RASAL1: variants seen among roughly 807,000 people sequenced by gnomAD.
RASAL1 encodes RAS protein activator like 1.
A neutral mutation model predicts 96.6 loss-of-function variants in RASAL1; 72 were observed. The ratio of observed to expected loss-of-function variants is 0.75; its 90% CI spans 0.62 to 0.91. RASAL1 has a LOEUF of 0.91. Among genes scored for constraint, RASAL1 ranks in the 40% least tolerant of loss-of-function variants. The pLI is 0.00. For synonymous variants in RASAL1, 405 were observed against 430.4 expected (o/e 0.94, Z 0.73); for missense variants, 1,016 against 1,072.5 (o/e 0.95, Z 0.74).
chr12:113,110,594 G>C (rs1950831278), intron 13 of RASAL1, among the ~76,000 whole-genome samples: 1 of 152,202 alleles, frequency 6.6e-6, no homozygotes, highest in Non-Finnish European at 1.5e-5. Flanking sequence ...TGTGTGTTTG[G>C]TTTTCAGGTG....
rs2136288679 is a variant in RASAL1 at position 113,135,277 on chromosome 12, C to A, written c.65+121G>T. On this transcript the variant is annotated intron_variant, in intron 1 of 20. Transcript: ENST00000548055. The surrounding 1 kb of genome is among the most constrained non-coding windows in gnomAD (Gnocchi z 5.7). The stretch of plus-strand genomic sequence containing the variant: ...CTTTAAAGCGGAACTGCCCCAAGAC[C>A]AGTCTTGGACAAGAACCCCTCGCCC... 2.2e-6 allele frequency: 2 copies of A among 890,094 alleles called. No homozygotes were observed. 55.1% of individuals were successfully genotyped at this position (890,094 alleles called of 1,614,324 possible).
rs766178277 is a variant in RASAL1, at chr12:113,119,271, G to A, written c.511-12C>T. ...GTCTTCTTGATGGTCTGAGGGCGAA[G>A]GAAGTGGTCTGTGAGTGGGAGAGCT... On this transcript the variant is annotated splice_polypyrimidine_tract_variant and intron_variant, in intron 6 of 20. Transcript: ENST00000548055. The A allele has an allele frequency of 1.9e-6, 3 of 1,611,942 alleles. No individual in the cohort carries two copies. The highest frequency in any genetic ancestry group is 2.5e-6 in the Non-Finnish European group (3 of 1,178,154).
Position 113,107,208 on chromosome 12 carries a change from G to C in RASAL1, c.1546C>G (p.Leu516Val), listed in dbSNP as rs1219272808. Reference protein sequence around the residue: ...VQSIGNLGQQLGQGKELWMAP... With the variant: ...VQSIGNLGQQVGQGKELWMAP... ...ATCCACAGTTCCTTGCCTTGGCCCA[G>C]CTGCTGGCCCAGGTTTCCAATGCTC... is the stretch of plus-strand genomic sequence containing the variant. Residue 516 changes from leucine (L) to valine (V), a missense_variant, in exon 15 of 21, where the codon CTG becomes GTG. Transcript: ENST00000548055. The C allele has an allele frequency of 6.2e-6, 10 of 1,611,924 alleles. No homozygotes were observed. The highest frequency in any genetic ancestry group is 7.6e-6 in the Non-Finnish European group (9 of 1,178,884).
chr12:113,112,813 G>A (rs1386706831), intron 12 of RASAL1, among the ~76,000 whole-genome samples: 11 of 152,102 alleles, frequency 7.2e-5, no homozygotes, highest in African/African-American at 2.2e-4. Flanking sequence ...TTAGCCCAGC[G>A]TGGTGGTGCA....
At chr12:113,110,866 G>A (rs918339091) in intron 13 of RASAL1, among the ~76,000 whole-genome samples, 9 of 152,228 alleles carry the variant, frequency 5.9e-5, no homozygotes, top group African/African-American at 2.2e-4. Flanking sequence ...AGTGAGCTAT[G>A]ATTGTGCCAC....
intron 4 of RASAL1, among the ~76,000 whole-genome samples, chr12:113,127,022 TAC>T (rs1396051554): frequency 7.3e-6 from 1 of 136,510 alleles, no homozygotes; most frequent in East Asian, 2.1e-4. Flanking sequence ...TATTTATATA[TAC>T]AGTATATAAA....
At chr12:113,133,287 C>T (rs917195737) in intron 1 of RASAL1, among the ~76,000 whole-genome samples, 4 of 152,216 alleles carry the variant, frequency 2.6e-5, no homozygotes, top group Admixed American at 1.3e-4. Flanking sequence ...GCCTCTCCCA[C>T]GGCCCCTGAC....
chr12:113,104,313 T>A lies in RASAL1; in HGVS notation c.1831-15A>T. Reference sequence around the variant, plus strand: ...GAGTGACACATCTGGGGAAGAGGATTGTCGCTGCAGGATGGGCTGGGGGCT... The same window carrying A: ...GAGTGACACATCTGGGGAAGAGGATAGTCGCTGCAGGATGGGCTGGGGGCT... On this transcript the variant is annotated splice_polypyrimidine_tract_variant and intron_variant, in intron 16 of 20. Transcript: ENST00000548055. The A allele has an allele frequency of 6.5e-7, 1 of 1,548,574 alleles. No homozygotes were observed. Among genetic ancestry groups the A allele is most frequent in the Non-Finnish European group, 8.7e-7 (1 of 1,143,872 alleles).
Position 113,104,224 on chromosome 12 carries a change from G to C in RASAL1, c.1905C>G (p.His635Gln). 1.2e-6 allele frequency: 2 copies of C among 1,609,202 alleles called. No homozygotes were observed. Among genetic ancestry groups the C allele is most frequent in the Non-Finnish European group, 1.7e-6 (2 of 1,178,180 alleles). The change falls in exon 17 of 21, where the codon CAC (histidine) becomes CAG (glutamine). Residue 635 changes from histidine (H) to glutamine (Q), a missense_variant. His to Gln is a conservative substitution (Grantham distance 24, BLOSUM62 0). Coordinates refer to ENST00000548055, the MANE Select transcript of RASAL1 (RefSeq NM_001301202.2). ...CGTCCTGCGTCACCACCTGCATCAC[G>C]TGGGGCAGTTGGAAGGCGCCCTCGT... ...RVDEGAFQLPHVMQVVTQDGT... is the reference protein window; with the variant it reads ...RVDEGAFQLPQVMQVVTQDGT...
chr12:113,100,871 C>G (rs1341823403), intron 19 of RASAL1, among the ~76,000 whole-genome samples, 191 bp from the exon 20 acceptor site: 1 of 152,182 alleles, frequency 6.6e-6, no homozygotes, highest in Non-Finnish European at 1.5e-5. Flanking sequence ...CATGTATTAA[C>G]TCATTTAATT....
chr12:113,117,795 G>A (rs1335520188), intron 7 of RASAL1, among the ~76,000 whole-genome samples: 5 of 152,142 alleles, frequency 3.3e-5, no homozygotes, highest in South Asian at 2.1e-4. Flanking sequence ...TAGACATTTC[G>A]TATAAATGGA....
rs1253085626 is a variant in RASAL1 at position 113,130,720 on chromosome 12, G to A, written c.122+165C>T. ...AGAGGGGGAAGGCAGGGCTGGTCGG[G>A]GAGAGGAGCTGGCAGTCCCAGCTGG... On this transcript the variant is annotated intron_variant, in intron 2 of 20. Coordinates refer to ENST00000548055, the MANE Select transcript of RASAL1 (RefSeq NM_001301202.2). This position sits in a 1 kb window ranked among gnomAD's most constrained non-coding sequence, Gnocchi z 5.1. 6.6e-6 allele frequency among the ~76,000 whole-genome samples: 1 copy of A among 152,188 alleles called. No homozygotes were observed. Among genetic ancestry groups the A allele is most frequent in the Non-Finnish European group, 1.5e-5 (1 of 68,018 alleles).
At chr12:113,127,611 C>A (rs1423185645) in intron 4 of RASAL1, among the ~76,000 whole-genome samples, 2 of 152,186 alleles carry the variant, frequency 1.3e-5, no homozygotes, top group African/African-American at 4.8e-5. Flanking sequence ...GATAGCACCA[C>A]CGCACTCCAG....
At chr12:113,118,435 T>G (rs1006364470) in intron 7 of RASAL1, among the ~76,000 whole-genome samples, 67 of 152,206 alleles carry the variant, frequency 4.4e-4, no homozygotes, top group Non-Finnish European at 1.9e-4. Flanking sequence ...TTTTCCATTT[T>G]GGGCTGTTAT....
intron 12 of RASAL1, 28 bp downstream of exon 12, chr12:113,114,771 GA>G (rs748827339): frequency 5.7e-6 from 9 of 1,588,130 alleles, no homozygotes; most frequent in East Asian, 2.2e-5. Flanking sequence ...GGGCCCGTCG[GA>G]AGGTCAGGGT....
chr12:113,134,658 C>T (rs893522039), intron 1 of RASAL1, among the ~76,000 whole-genome samples: 1 of 152,230 alleles, frequency 6.6e-6, no homozygotes, highest in African/African-American at 2.4e-5. Context: ...AGGGGGAACC[C>T]GCCCCCCATA....
rs570020846 is a variant in RASAL1, at chr12:113,121,322, C to T, written c.428+187G>A. On this transcript the variant is annotated intron_variant, in intron 5 of 20. Transcript: ENST00000548055. ...TTGCTGCTAGTCCCTGGGGACTCAA[C>T]AGGATTTTGCCCCCAGGAACTTACA... Among the ~76,000 whole-genome samples the T allele has an allele frequency of 7.6e-4, 116 of 152,344 alleles. 1 individual carries two copies. The highest frequency in any genetic ancestry group is 2.7e-3 in the African/African-American group (113 of 41,582).
chr12:113,118,754 GTCCC>G (rs1201019987), intron 7 of RASAL1, among the ~76,000 whole-genome samples: 1 of 152,152 alleles, frequency 6.6e-6, no homozygotes, highest in Non-Finnish European at 1.5e-5. Context: ...GAGCCTCAAT[GTCCC>G]CATCTGTAAA....
At chr12:113,118,676 T>A (rs773221198) in intron 7 of RASAL1, among the ~76,000 whole-genome samples, 2 of 152,132 alleles carry the variant, frequency 1.3e-5, no homozygotes, top group African/African-American at 4.8e-5. Flanking sequence ...GTCAAAGAGA[T>A]CTGAACTCAG....
Sources: gnomAD v4.1 joint callset for allele counts (sites outside exome capture counted in the v4.1 genomes callset) on GRCh38, gnomAD v4.1.1 for gene constraint, Gnocchi (gnomAD v3.1) non-coding constraint, MANE v1.5 for transcripts, NCBI Gene and HGNC (gene_info 2026-07-23, HGNC 2026-07-21) for gene names.